Variants in CORO2B observed in about 807,000 individuals in gnomAD.
The protein encoded by CORO2B is coronin 2B, also known as coronin-2B.
CORO2B carries 26 observed loss-of-function variants against 58.8 expected under a neutral mutation model. The observed-to-expected ratio is 0.44, with a 90% confidence interval of 0.32 to 0.61. CORO2B has a LOEUF of 0.61. CORO2B is among the 20% of genes least tolerant of loss of function. The pLI is 0.04. For missense variants in CORO2B, 460 were observed against 645.1 expected (o/e 0.71, Z 3.11); for synonymous variants, 242 against 253.8 (o/e 0.95, Z 0.44).
upstream of CORO2B, chr15:68,578,964 C>T (rs1180937963): frequency 8.7e-6 from 8 of 919,246 alleles, no homozygotes; most frequent in Middle Eastern, 5.5e-4. This position sits in a 1 kb window ranked among gnomAD's most constrained non-coding sequence, Gnocchi z 4.2. Flanking sequence ...CCCCGCCCCC[C>T]AGCCCGGGCC....
intron 1 of CORO2B, among the ~76,000 whole-genome samples, chr15:68,594,869 A>G (rs550043692): frequency 9.8e-5 from 15 of 152,304 alleles, no homozygotes; most frequent in Non-Finnish European, 2.2e-4. Context: ...AATAATAACA[A>G]TTGAAATCTC....
At chr15:68,646,372 A>G (rs1414979062) in intron 2 of CORO2B, among the ~76,000 whole-genome samples, 1 of 152,128 alleles carries the variant, frequency 6.6e-6, no homozygotes, top group Non-Finnish European at 1.5e-5. Context: ...CCCTCCGCCA[A>G]ATCGCTCAGG....
intron 1 of CORO2B, among the ~76,000 whole-genome samples, chr15:68,590,461 G>A (rs1374069359): frequency 1.1e-4 from 16 of 152,168 alleles, no homozygotes. Flanking sequence ...AGGATGGCCT[G>A]CCCTGCTTCA....
chr15:68,634,884 T>A (rs1269703274), intron 1 of CORO2B, among the ~76,000 whole-genome samples: 1 of 152,170 alleles, frequency 6.6e-6, no homozygotes, highest in Admixed American at 6.5e-5. Context: ...TCTAACCAGC[T>A]CCCAGGTAAT....
chr15:68,550,404 C>T, the CORO2B span, among the ~76,000 whole-genome samples: 1 of 152,232 alleles, frequency 6.6e-6, no homozygotes, highest in South Asian at 2.1e-4. Flanking sequence ...ATCTCTGGAG[C>T]TAAGGAGTCA....
At chr15:68,712,883 A>C (rs1034914525) in intron 5 of CORO2B, among the ~76,000 whole-genome samples, 8 of 152,162 alleles carry the variant, frequency 5.3e-5, no homozygotes, top group African/African-American at 1.7e-4. Context: ...AATGTTTATG[A>C]ACAGAGAACC....
At chr15:68,704,543 G>T (rs989309649) in intron 3 of CORO2B, among the ~76,000 whole-genome samples, 5 of 152,150 alleles carry the variant, frequency 3.3e-5, no homozygotes, top group Non-Finnish European at 7.3e-5. Flanking sequence ...CTTCTTGCTT[G>T]TTGGCCAGCT....
chr15:68,674,045 A>C (rs951859692), intron 2 of CORO2B, among the ~76,000 whole-genome samples: 3 of 152,142 alleles, frequency 2.0e-5, no homozygotes, highest in Non-Finnish European at 4.4e-5. Flanking sequence ...TTTCTAAGTG[A>C]TGGGCACAGT....
rs974404773 is a variant in CORO2B, at chr15:68,645,813, G to A, written c.216+453G>A. On this transcript the variant is annotated intron_variant, in intron 2 of 11. Coordinates refer to ENST00000261861, the MANE Select transcript of CORO2B (RefSeq NM_006091.5). This position sits in a 1 kb window ranked among gnomAD's most constrained non-coding sequence, Gnocchi z 4.5. Reference sequence around the variant, plus strand: ...TTTTGAGATGGAGTCTTGCTCTGTCGTCCAGGCTGAAGTTCAATGGCGCGA... The same window carrying A: ...TTTTGAGATGGAGTCTTGCTCTGTCATCCAGGCTGAAGTTCAATGGCGCGA... 1.6e-4 allele frequency among the ~76,000 whole-genome samples: 25 copies of A among 151,530 alleles called. No homozygotes were observed. Among genetic ancestry groups the A allele is most frequent in the African/African-American group, 5.6e-4 (23 of 41,168 alleles).
At chr15:68,616,528 C>T (rs1900362565) in intron 1 of CORO2B, 1 of 985,274 alleles carries the variant, frequency 1.0e-6, no homozygotes, top group African/African-American at 1.7e-5. Context: ...CAGGCAGCTG[C>T]CCTGGATCCA....
intron 1 of CORO2B, chr15:68,641,679 C>A (rs763994071): frequency 4.1e-6 from 3 of 728,454 alleles, no homozygotes; most frequent in Non-Finnish European, 5.0e-6. Flanking sequence ...TTGGCACTGG[C>A]TCCTCCCAAG....
In CORO2B at chr15:68,726,274, T is replaced by A. The variant is rs753726697; in HGVS notation, c.*300T>A. 101 of 366,456 alleles carry A rather than the reference T, an allele frequency of 2.8e-4. 1 individual carries two copies. Among genetic ancestry groups the A allele is most frequent in the Non-Finnish European group, 3.5e-4 (70 of 200,924 alleles). The allele number at this position is 366,456 out of a possible 1,614,324, so 22.7% of individuals were successfully genotyped here. ...CTCCCTGGGGTTGGCAGGGGCTCCATCTCAGTGGACCAGGAAGCAAGAGGG... is the reference window on the plus strand; with the variant it reads ...CTCCCTGGGGTTGGCAGGGGCTCCAACTCAGTGGACCAGGAAGCAAGAGGG... On this transcript the variant is annotated 3_prime_UTR_variant, in exon 12 of 12. Coordinates refer to ENST00000261861, the MANE Select transcript of CORO2B (RefSeq NM_006091.5).
intron 2 of CORO2B, among the ~76,000 whole-genome samples, chr15:68,664,598 G>A (rs1902127302): frequency 6.6e-6 from 1 of 152,054 alleles, no homozygotes; most frequent in Non-Finnish European, 1.5e-5. Context: ...AGTGAGCCAA[G>A]ATTGTGCCAC....
In CORO2B at chr15:68,726,070, A is replaced by AC; in HGVS notation, c.*97dup. 6.5e-7 allele frequency: 1 copy of AC among 1,532,098 alleles called. No homozygotes were observed. Among genetic ancestry groups the AC allele is most frequent in the African/African-American group, 1.4e-5 (1 of 72,600 alleles). The allele number at this position is 1,532,098 out of a possible 1,614,324, so 94.9% of individuals were successfully genotyped here. ...CAGTGACCCCAGAGACAGAGCCAGGACAGGAGTGGGGGCCAGCCTGAGGAC... is the reference window on the plus strand; with the variant it reads ...CAGTGACCCCAGAGACAGAGCCAGGACCAGGAGTGGGGGCCAGCCTGAGGAC... On this transcript the variant is annotated 3_prime_UTR_variant, in exon 12 of 12. Coordinates refer to ENST00000261861, the MANE Select transcript of CORO2B (RefSeq NM_006091.5).
chr15:68,577,740 A>T (rs985890764), upstream of CORO2B, among the ~76,000 whole-genome samples: 2 of 151,660 alleles, frequency 1.3e-5, no homozygotes, highest in Non-Finnish European at 2.9e-5. Context: ...AAAAAAAAAA[A>T]AAAAAATTGC....
intron 1 of CORO2B, among the ~76,000 whole-genome samples, chr15:68,644,093 A>G (rs535286297): frequency 8.5e-5 from 13 of 152,354 alleles, no homozygotes; most frequent in Non-Finnish European, 1.6e-4. Flanking sequence ...TATATCAGTT[A>G]CAACAGGCTA....
chr15:68,522,913 A>C, the CORO2B span, among the ~76,000 whole-genome samples: 3 of 152,106 alleles, frequency 2.0e-5, no homozygotes, highest in Non-Finnish European at 2.9e-5. Flanking sequence ...TGAATACTGG[A>C]GAGTTTATAT....
intron 11 of CORO2B, 29 bp from the exon 12 acceptor site, chr15:68,725,814 C>T (rs774318696): frequency 1.2e-6 from 2 of 1,612,276 alleles, no homozygotes; most frequent in Admixed American, 3.3e-5. Flanking sequence ...CCTGGGCCCT[C>T]CTTGGCCCCC....
intron 2 of CORO2B, among the ~76,000 whole-genome samples, chr15:68,651,589 TG>T (rs1901644315): frequency 6.6e-6 from 1 of 152,226 alleles, no homozygotes; most frequent in Non-Finnish European, 1.5e-5. Context: ...TAATTCATGG[TG>T]GGACAGTCTT....
Sources: gnomAD v4.1 joint callset for allele counts (sites outside exome capture counted in the v4.1 genomes callset) on GRCh38, gnomAD v4.1.1 for gene constraint, Gnocchi (gnomAD v3.1) non-coding constraint, MANE v1.5 for transcripts, NCBI Gene and HGNC (gene_info 2026-07-23, HGNC 2026-07-21) for gene names.